Variants in ADGRL2 observed in about 807,000 individuals in gnomAD.
ADGRL2 encodes calcium-independent alpha-latrotoxin receptor 2.
Under a neutral mutation model 157.4 loss-of-function variants are expected in ADGRL2, and 44 were observed. The observed-to-expected ratio is 0.28, with a 90% CI of 0.22 to 0.36. The LOEUF (loss-of-function observed/expected upper bound fraction) is 0.36. Ranked by LOEUF, ADGRL2 falls within the 10% of genes least tolerant of loss-of-function variation. The pLI is 1.00. For missense variants in ADGRL2, 1,510 were observed against 1,768.9 expected (o/e 0.85, Z 2.63); for synonymous variants, 585 against 624.7 (o/e 0.94, Z 0.95).
intron 2 of ADGRL2, among the ~76,000 whole-genome samples, chr1:81,564,057 C>T (rs376594956): frequency 2.0e-5 from 3 of 152,182 alleles, no homozygotes; most frequent in Admixed American, 2.0e-4. Context: ...AATCCACACA[C>T]AGCCCAGATG....
At chr1:81,393,741 A>G (rs1434598330) in intron 1 of ADGRL2, among the ~76,000 whole-genome samples, 2 of 151,738 alleles carry the variant, frequency 1.3e-5, no homozygotes, top group Non-Finnish European at 2.9e-5. Context: ...TAAACAAGGA[A>G]TCTACACCAT....
intron 3 of ADGRL2, among the ~76,000 whole-genome samples, chr1:81,692,293 ACT>A (rs1467814788): frequency 6.6e-6 from 1 of 151,954 alleles, no homozygotes. Context: ...AGAGTGAGAG[ACT>A]CTGTCTCAAA....
chr1:81,529,695 C>G (rs993976795), intron 2 of ADGRL2, among the ~76,000 whole-genome samples: 2 of 152,176 alleles, frequency 1.3e-5, no homozygotes, highest in African/African-American at 4.8e-5. Context: ...GGAAGGCTGA[C>G]TGTACTATAA....
intron 18 of ADGRL2, chr1:81,981,025 T>C (rs1661516847): frequency 9.6e-6 from 4 of 415,002 alleles, no homozygotes; most frequent in Non-Finnish European, 4.5e-6. Context: ...TTTCTTAATT[T>C]TGACTAATTT....
intron 1 of ADGRL2, among the ~76,000 whole-genome samples, chr1:81,390,559 C>G (rs1355058612): frequency 2.0e-5 from 3 of 150,714 alleles, no homozygotes; most frequent in Admixed American, 6.6e-5. Context: ...ATAATGTGAA[C>G]AGTAAATGCC....
chr1:81,495,552 G>A (rs558461400), intron 2 of ADGRL2, among the ~76,000 whole-genome samples: 1 of 152,222 alleles, frequency 6.6e-6, no homozygotes, highest in South Asian at 2.1e-4. Context: ...GGCTGATTAA[G>A]CAAACTGCAA....
chr1:81,497,666 C>T (rs2078759232), intron 2 of ADGRL2, among the ~76,000 whole-genome samples: 2 of 152,110 alleles, frequency 1.3e-5, no homozygotes, highest in African/African-American at 4.8e-5. Context: ...CTTTCTCTAC[C>T]TCAATTTACT....
At chr1:81,824,431 T>A (rs1002797530) in intron 1 of ADGRL2, among the ~76,000 whole-genome samples, 2 of 151,924 alleles carry the variant, frequency 1.3e-5, no homozygotes, top group East Asian at 3.9e-4. Context: ...CATGCCACCA[T>A]GCCCAGCTAT....
At chr1:81,535,685 T>C (rs796877678) in intron 2 of ADGRL2, among the ~76,000 whole-genome samples, 13 of 152,278 alleles carry the variant, frequency 8.5e-5, no homozygotes, top group African/African-American at 2.9e-4. Context: ...AAAAGCAACA[T>C]ATAAACGCAT....
intron 2 of ADGRL2, among the ~76,000 whole-genome samples, chr1:81,773,158 T>C (rs2086444898): frequency 6.6e-6 from 1 of 152,076 alleles, no homozygotes; most frequent in African/African-American, 2.4e-5. Flanking sequence ...GGAGAATATA[T>C]CAATTGATGT....
intron 1 of ADGRL2, among the ~76,000 whole-genome samples, chr1:81,746,839 TGTATATACACACGTGCACACGTATACAC>T (rs1557615004): frequency 3.5e-5 from 5 of 142,378 alleles, no homozygotes; most frequent in Middle Eastern, 3.7e-3. Context: ...TATATATACA[TGTATATACACACGTGCACACGTATACAC>T]GTATATACAC....
At chr1:81,952,867 G>T in intron 9 of ADGRL2, 120 bp from the exon 10 acceptor site, 1 of 729,184 alleles carries the variant, frequency 1.4e-6, no homozygotes. Context: ...GACTCCAGAG[G>T]ACTACTGCAT....
chr1:81,776,778 T>C (rs1301325891), intron 2 of ADGRL2, among the ~76,000 whole-genome samples: 3 of 152,204 alleles, frequency 2.0e-5, no homozygotes, highest in African/African-American at 4.8e-5. Context: ...TGGAGAAAGA[T>C]TGACCTGGGC....
intron 1 of ADGRL2, among the ~76,000 whole-genome samples, chr1:81,322,087 CATAT>C (rs148181887): frequency 3.6e-5 from 4 of 112,456 alleles, no homozygotes; most frequent in Non-Finnish European, 5.6e-5. Flanking sequence ...AGGACTAATT[CATAT>C]ATATATATAT....
chr1:81,942,649 C>T (rs1435406343), intron 5 of ADGRL2, among the ~76,000 whole-genome samples: 1 of 151,760 alleles, frequency 6.6e-6, no homozygotes, highest in African/African-American at 2.4e-5. Flanking sequence ...TGTGCAAAAG[C>T]TCAAACTTTT....
chr1:81,958,720 T>C (rs866963792), intron 11 of ADGRL2, among the ~76,000 whole-genome samples: 1 of 152,194 alleles, frequency 6.6e-6, no homozygotes, highest in South Asian at 2.1e-4. Context: ...ACTCTTATGA[T>C]CATCAGCATG....
intron 2 of ADGRL2, among the ~76,000 whole-genome samples, chr1:81,529,375 G>C (rs879558528): frequency 1.6e-4 from 24 of 152,230 alleles, no homozygotes; most frequent in South Asian, 2.1e-4. Flanking sequence ...ATAGGATAAA[G>C]TTGGTGCTAG....
chr1:81,954,946 A>G (rs1020435671), intron 10 of ADGRL2, among the ~76,000 whole-genome samples: 5 of 152,230 alleles, frequency 3.3e-5, no homozygotes, highest in African/African-American at 1.2e-4. Flanking sequence ...ATAATGACAC[A>G]TTATGACTGG....
intron 1 of ADGRL2, among the ~76,000 whole-genome samples, chr1:81,386,134 T>C (rs1376484647): frequency 6.6e-6 from 1 of 152,176 alleles, no homozygotes; most frequent in Non-Finnish European, 1.5e-5. Context: ...AGTTCTATTC[T>C]TTACCATAAA....
Sources: allele counts gnomAD v4.1 joint callset (sites outside exome capture counted in the v4.1 genomes callset), GRCh38; gene constraint gnomAD v4.1.1; transcripts MANE v1.5; gene names NCBI Gene and HGNC (gene_info 2026-07-23, HGNC 2026-07-21).